Variants in CLYBL observed in about 807,000 individuals in gnomAD.
CLYBL encodes the protein citramalyl-CoA lyase, mitochondrial.
In CLYBL, 31 loss-of-function variants were observed where a neutral mutation model predicts 38.9. The ratio of observed to expected loss-of-function variants is 0.80; its 90% confidence interval spans 0.60 to 1.08. CLYBL has a LOEUF of 1.08. CLYBL is among the 50% of genes least tolerant of loss of function. CLYBL has a pLI of 0.00. For synonymous variants in CLYBL, 171 were observed against 158.6 expected, an observed-to-expected ratio of 1.08 and a Z score of -0.59; for missense variants, 434 against 411.6, an observed-to-expected ratio of 1.05 and a Z score of -0.47.
intron 1 of CLYBL, among the ~76,000 whole-genome samples, chr13:99,608,061 C>CTTT (rs56149363): frequency 6.1e-4 from 46 of 74,994 alleles, no homozygotes; most frequent in Admixed American, 8.8e-4. Flanking sequence ...TCTGGAACTT[C>CTTT]TTTTTTTTTT....
chr13:99,715,204 C>T (rs899536251), intron 1 of CLYBL, among the ~76,000 whole-genome samples: 1 of 152,092 alleles, frequency 6.6e-6, no homozygotes, highest in African/African-American at 2.4e-5. Flanking sequence ...TAGGAGGCAA[C>T]TGGGGAATTC....
intron 1 of CLYBL, among the ~76,000 whole-genome samples, chr13:99,638,441 T>C (rs2047052597): frequency 6.6e-6 from 1 of 152,266 alleles, no homozygotes; most frequent in African/African-American, 2.4e-5. Context: ...TATGTGTGCC[T>C]TATGCATTTT....
intron 2 of CLYBL, among the ~76,000 whole-genome samples, chr13:99,852,075 G>GCAGT (rs1382276253): frequency 6.6e-6 from 1 of 152,164 alleles, no homozygotes; most frequent in Admixed American, 6.5e-5. Flanking sequence ...GTGAAAGAAG[G>GCAGT]CAGTCAGAGA....
intron 7 of CLYBL, among the ~76,000 whole-genome samples, chr13:99,890,925 T>C (rs374205320): frequency 6.6e-6 from 1 of 152,336 alleles, no homozygotes; most frequent in Non-Finnish European, 1.5e-5. Flanking sequence ...AGCCTGATGG[T>C]ACAATTTTTT....
intron 1 of CLYBL, among the ~76,000 whole-genome samples, chr13:99,624,394 G>C (rs1257943876): frequency 6.6e-6 from 1 of 152,196 alleles, no homozygotes; most frequent in Non-Finnish European, 1.5e-5. Flanking sequence ...GAAAGGCAAA[G>C]TTTTTATGCA....
chr13:99,821,510 T>G (rs1277944022), intron 2 of CLYBL, among the ~76,000 whole-genome samples: 1 of 152,242 alleles, frequency 6.6e-6, no homozygotes, highest in East Asian at 1.9e-4. Flanking sequence ...TTTTGCTGTC[T>G]GTGAAGGGCA....
intron 1 of CLYBL, among the ~76,000 whole-genome samples, chr13:99,759,332 A>G (rs2049123327): frequency 6.6e-6 from 1 of 152,234 alleles, no homozygotes; most frequent in Admixed American, 6.5e-5. Flanking sequence ...AGCAGAAGCA[A>G]CAGGTGGTGG....
At chr13:99,653,135 G>C (rs984303877) in intron 1 of CLYBL, among the ~76,000 whole-genome samples, 4 of 152,194 alleles carry the variant, frequency 2.6e-5, no homozygotes, top group African/African-American at 9.6e-5. Flanking sequence ...GCAAGGGTTT[G>C]TAGAGGGGAG....
rs532695328 is a variant in CLYBL, at chr13:99,685,815, A to T, written c.62+79058A>T. Among the ~76,000 whole-genome samples the T allele has an allele frequency of 7.2e-5, 11 of 152,172 alleles. No homozygotes were observed. In the South Asian group the frequency reaches 2.3e-3, roughly 32 times the overall value. The stretch of plus-strand genomic sequence containing the variant: ...CGCCTCTACTAAAAATACAAAAATT[A>T]GCTGGGTTTGGTGGTGTGTGCCTGT... On this transcript the variant is annotated intron_variant, in intron 1 of 8. Coordinates refer to ENST00000339105, the MANE Select transcript of CLYBL (RefSeq NM_206808.5).
intron 2 of CLYBL, among the ~76,000 whole-genome samples, chr13:99,807,570 A>T (rs2050257127): frequency 6.6e-6 from 1 of 152,186 alleles, no homozygotes; most frequent in Non-Finnish European, 1.5e-5. Context: ...CCAGTCACAA[A>T]AGGACAAATC....
downstream of CLYBL, chr13:99,894,266 G>A (rs2052543068): frequency 6.6e-6 from 1 of 152,290 alleles, no homozygotes; most frequent in East Asian, 1.9e-4. Flanking sequence ...GTGGGTGTGT[G>A]ATCTCCACTG....
intron 2 of CLYBL, among the ~76,000 whole-genome samples, chr13:99,856,636 GGTTT>G (rs1007917275): frequency 3.3e-5 from 5 of 152,008 alleles, no homozygotes; most frequent in African/African-American, 7.2e-5. Context: ...TCAGTTTTTT[GGTTT>G]GTTTGTTTTC....
intron 1 of CLYBL, among the ~76,000 whole-genome samples, chr13:99,731,352 G>A (rs186504606): frequency 4.7e-5 from 7 of 150,214 alleles, no homozygotes; most frequent in African/African-American, 1.5e-4. Flanking sequence ...AAAAAAAAGC[G>A]GCTGAGCCCA....
downstream of CLYBL, chr13:99,895,321 A>G (rs958551941): frequency 6.6e-6 from 1 of 152,156 alleles, no homozygotes; most frequent in East Asian, 1.9e-4. Context: ...TCTGTGTTTT[A>G]TTTCTTTCCT....
At chr13:99,890,668 G>A (rs935149334) in intron 7 of CLYBL, among the ~76,000 whole-genome samples, 3 of 151,958 alleles carry the variant, frequency 2.0e-5, no homozygotes, top group African/African-American at 4.8e-5. Flanking sequence ...GGGTTTCACC[G>A]TGTTGGCCAG....
rs1253849119 is a variant in CLYBL at position 99,606,850 on chromosome 13, A to G, written c.62+93A>G. ...CCGCGGGCCGGGCGCGGCCTCCCCA[A>G]GCCCTCACGGGAACCCAGCCGGACG... On this transcript the variant is annotated intron_variant, in intron 1 of 8. Coordinates refer to ENST00000339105, the MANE Select transcript of CLYBL (RefSeq NM_206808.5). 3 of 1,290,216 alleles carry G rather than the reference A, an allele frequency of 2.3e-6. No homozygotes were observed. The African/African-American group carries it at 4.7e-5, about 20-fold the overall frequency. 79.9% of individuals were successfully genotyped at this position (1,290,216 alleles called of 1,614,324 possible). A position where few individuals can be genotyped will look rare whatever the true frequency, so the allele number is the denominator to read the frequency against.
intron 1 of CLYBL, among the ~76,000 whole-genome samples, chr13:99,749,558 C>T (rs904197741): frequency 2.0e-5 from 3 of 152,168 alleles, no homozygotes; most frequent in African/African-American, 7.2e-5. Flanking sequence ...CCATGGTGGA[C>T]CACAAACTGG....
chr13:99,817,082 C>A (rs1026358457), intron 2 of CLYBL, among the ~76,000 whole-genome samples: 1 of 152,184 alleles, frequency 6.6e-6, no homozygotes, highest in African/African-American at 2.4e-5. Flanking sequence ...TAGCCAGATT[C>A]TCTTGTTCCA....
intron 1 of CLYBL, among the ~76,000 whole-genome samples, chr13:99,623,873 C>T (rs28460044): frequency 1.3e-3 from 201 of 150,668 alleles, no homozygotes; most frequent in African/African-American, 4.5e-3. Context: ...GCAGGAGAAT[C>T]GCTTTAACCT....
Sources: allele counts gnomAD v4.1 joint callset (sites outside exome capture counted in the v4.1 genomes callset), GRCh38; gene constraint gnomAD v4.1.1; transcripts MANE v1.5; gene names NCBI Gene and HGNC (gene_info 2026-07-23, HGNC 2026-07-21).